Variants in MARCHF3 observed in about 807,000 individuals in gnomAD.
MARCHF3 encodes the protein membrane associated ring-CH-type finger 3, also known as E3 ubiquitin-protein ligase MARCHF3.
Under a neutral mutation model 24.2 loss-of-function variants are expected in MARCHF3, and 13 were observed. The ratio of observed to expected loss-of-function variants is 0.54; its 90% confidence interval spans 0.35 to 0.85. MARCHF3 has a LOEUF of 0.85. Among genes scored for constraint, MARCHF3 ranks in the 40% least tolerant of loss-of-function variants. The pLI is 0.01. For synonymous variants in MARCHF3, 144 were observed against 137.3 expected (o/e 1.05, Z -0.34); for missense variants, 276 against 325.0 (o/e 0.85, Z 1.16).
chr5:126,887,604 G>A (rs890613067), intron 3 of MARCHF3, among the ~76,000 whole-genome samples: 1 of 152,110 alleles, frequency 6.6e-6, no homozygotes, highest in East Asian at 1.9e-4. Flanking sequence ...GGATCCATGC[G>A]CTTCAACACA....
intron 3 of MARCHF3, among the ~76,000 whole-genome samples, chr5:126,883,447 C>T (rs1753404387): frequency 6.6e-6 from 1 of 152,146 alleles, no homozygotes; most frequent in African/African-American, 2.4e-5. Context: ...ATTTCTGAAC[C>T]ATGAGGTTGA....
intron 1 of MARCHF3, among the ~76,000 whole-genome samples, chr5:126,962,074 C>G (rs1750656005): frequency 6.6e-6 from 1 of 152,122 alleles, no homozygotes; most frequent in Non-Finnish European, 1.5e-5. Flanking sequence ...CTTTGTCCTA[C>G]AGAGTTAGGG....
chr5:127,006,962 G>A (rs1428334702), intron 1 of MARCHF3, among the ~76,000 whole-genome samples: 1 of 152,048 alleles, frequency 6.6e-6, no homozygotes, highest in Non-Finnish European at 1.5e-5. Flanking sequence ...CAAGGAAACA[G>A]CTGCTTCTTA....
intron 1 of MARCHF3, among the ~76,000 whole-genome samples, chr5:127,013,148 C>T (rs1239381800): frequency 6.6e-6 from 1 of 152,162 alleles, no homozygotes; most frequent in Admixed American, 6.5e-5. Context: ...TCCACTTTTC[C>T]TCTGCCAAAG....
rs1753155231 is a variant in MARCHF3 at position 127,030,557 on chromosome 5, G to C, written c.-264C>G. 6.6e-6 allele frequency: 1 copy of C among 152,382 alleles called. No individual in the cohort carries two copies. The highest frequency in any genetic ancestry group is 6.5e-5 in the Admixed American group (1 of 15,296). The allele number at this position is 152,382 out of a possible 1,614,324, so 9.4% of individuals were successfully genotyped here. ...GACAATTCACGGACCTGCTCAACGA[G>C]TGAGGCGGAAAGCAGGGCTAAGCCG... On this transcript the variant is annotated 5_prime_UTR_variant, in exon 1 of 5. Coordinates refer to ENST00000308660, the MANE Select transcript of MARCHF3 (RefSeq NM_178450.5).
chr5:126,932,094 A>G (rs934169196), intron 1 of MARCHF3, among the ~76,000 whole-genome samples: 1 of 152,252 alleles, frequency 6.6e-6, no homozygotes, highest in African/African-American at 2.4e-5. Flanking sequence ...GGATTGTGTT[A>G]GGGCCACAGC....
chr5:126,983,496 G>A (rs1326472052), intron 1 of MARCHF3, among the ~76,000 whole-genome samples: 2 of 152,198 alleles, frequency 1.3e-5, no homozygotes, highest in Non-Finnish European at 2.9e-5. Context: ...AAATATGGCA[G>A]GACTCAAATT....
At chr5:127,016,974 T>C (rs910389321) in intron 1 of MARCHF3, among the ~76,000 whole-genome samples, 8 of 152,100 alleles carry the variant, frequency 5.3e-5, no homozygotes, top group African/African-American at 1.9e-4. Context: ...GGGACATGGG[T>C]GAAGCTGGAA....
At chr5:126,887,195 A>G (rs559736497) in intron 3 of MARCHF3, among the ~76,000 whole-genome samples, 8 of 152,316 alleles carry the variant, frequency 5.3e-5, no homozygotes, top group Non-Finnish European at 1.2e-4. Context: ...AGTTTAGCCC[A>G]GGTGTTTGTA....
intron 1 of MARCHF3, chr5:126,946,393 A>C (rs1750012036): frequency 6.8e-6 from 1 of 147,418 alleles, no homozygotes; most frequent in Admixed American, 6.8e-5. Flanking sequence ...AAAAAAAAGG[A>C]ATAGAATTAA....
At chr5:126,988,184 G>GACT (rs1751633174) in intron 1 of MARCHF3, among the ~76,000 whole-genome samples, 1 of 151,880 alleles carries the variant, frequency 6.6e-6, no homozygotes, top group Admixed American at 6.6e-5. Flanking sequence ...ATAAACTCCT[G>GACT]ACTAAAATCC....
intron 1 of MARCHF3, among the ~76,000 whole-genome samples, chr5:126,946,570 G>A (rs1750018432): frequency 6.6e-6 from 1 of 152,052 alleles, no homozygotes; most frequent in Non-Finnish European, 1.5e-5. Context: ...TGGGGGCTGG[G>A]AGAAGGGGTC....
At chr5:126,874,936 C>T (rs548562863) in intron 4 of MARCHF3, among the ~76,000 whole-genome samples, 61 of 152,272 alleles carry the variant, frequency 4.0e-4, no homozygotes, top group African/African-American at 1.3e-3. Context: ...AACCTTGGGA[C>T]TGGGAGTCAC....
At chr5:127,007,808 T>C (rs1449212445) in intron 1 of MARCHF3, among the ~76,000 whole-genome samples, 1 of 152,186 alleles carries the variant, frequency 6.6e-6, no homozygotes, top group Non-Finnish European at 1.5e-5. Flanking sequence ...TTAAGCTACT[T>C]GACCTTTTTG....
chr5:127,018,908 C>T (rs529701181), intron 1 of MARCHF3, among the ~76,000 whole-genome samples: 1 of 152,064 alleles, frequency 6.6e-6, no homozygotes, highest in African/African-American at 2.4e-5. Context: ...AAAGGGTACT[C>T]AATAAATAAT....
intron 3 of MARCHF3, among the ~76,000 whole-genome samples, chr5:126,891,604 T>G (rs539499175): frequency 8.1e-6 from 1 of 123,984 alleles, no homozygotes; most frequent in Non-Finnish European, 1.7e-5. Flanking sequence ...GTTGTAGATA[T>G]GCGGCGTTAT....
At chr5:127,021,200 C>G (rs1752794449) in intron 1 of MARCHF3, among the ~76,000 whole-genome samples, 1 of 151,888 alleles carries the variant, frequency 6.6e-6, no homozygotes, top group African/African-American at 2.4e-5. Context: ...TAATACCCAC[C>G]CCCCACCAAC....
At chr5:126,893,556 T>A (rs540907360) in intron 3 of MARCHF3, among the ~76,000 whole-genome samples, 2 of 151,994 alleles carry the variant, frequency 1.3e-5, no homozygotes, top group South Asian at 4.2e-4. Flanking sequence ...TATCCAGTAG[T>A]CATTCAGGAG....
chr5:127,003,392 C>T (rs1752198559), intron 1 of MARCHF3, among the ~76,000 whole-genome samples: 2 of 150,758 alleles, frequency 1.3e-5, no homozygotes, highest in African/African-American at 4.9e-5. Context: ...GGCGTGAACC[C>T]GGGAGGCGGA....
Sources: gnomAD v4.1 joint callset for allele counts (sites outside exome capture counted in the v4.1 genomes callset) on GRCh38, gnomAD v4.1.1 for gene constraint, MANE v1.5 for transcripts, NCBI Gene and HGNC (gene_info 2026-07-23, HGNC 2026-07-21) for gene names.